OLFM3: variants seen among roughly 807,000 people sequenced by gnomAD.
OLFM3 encodes olfactomedin 3, also known as noelin-3.
Under a neutral mutation model 48.6 loss-of-function variants are expected in OLFM3, and 20 were observed. The observed-to-expected ratio is 0.41, with a 90% CI of 0.29 to 0.60. OLFM3 has a LOEUF of 0.60. Among genes scored for constraint, OLFM3 ranks in the 20% least tolerant of loss-of-function variants. The probability of loss-of-function intolerance (pLI) is 0.28; values close to 1 mark genes in which losing one functional copy is unlikely to be tolerated. For synonymous variants in OLFM3, 222 were observed against 198.1 expected (o/e 1.12, Z -1.01); for missense variants, 437 against 544.3 (o/e 0.80, Z 1.96).
intron 1 of OLFM3, among the ~76,000 whole-genome samples, chr1:101,921,418 C>T (rs560328284): frequency 1.3e-5 from 2 of 152,274 alleles, no homozygotes; most frequent in East Asian, 3.9e-4. Flanking sequence ...GTATTTTCAC[C>T]TCCTCCCAAC....
chr1:101,936,713 C>T (rs1034027897), intron 1 of OLFM3, among the ~76,000 whole-genome samples: 1 of 152,166 alleles, frequency 6.6e-6, no homozygotes, highest in Non-Finnish European at 1.5e-5. Flanking sequence ...AATAATACTG[C>T]AATGCTAGAG....
intron 1 of OLFM3, among the ~76,000 whole-genome samples, chr1:101,956,527 A>T (rs1226620178): frequency 6.6e-6 from 1 of 151,800 alleles, no homozygotes; most frequent in Non-Finnish European, 1.5e-5. Context: ...CAATATTCAA[A>T]TATCCTTTTT....
intron 1 of OLFM3, among the ~76,000 whole-genome samples, chr1:101,927,378 C>T (rs891859259): frequency 6.6e-6 from 1 of 151,842 alleles, no homozygotes; most frequent in African/African-American, 2.4e-5. Flanking sequence ...CATTTCTTGG[C>T]AATATGGAGG....
chr1:101,948,470 A>G (rs1660025373), intron 1 of OLFM3, among the ~76,000 whole-genome samples: 1 of 151,710 alleles, frequency 6.6e-6, no homozygotes, highest in South Asian at 2.1e-4. Flanking sequence ...AGAGAGAGAG[A>G]GAGTTTTCGC....
intron 3 of OLFM3, among the ~76,000 whole-genome samples, chr1:101,827,642 A>C (rs1654925558): frequency 6.6e-6 from 1 of 152,192 alleles, no homozygotes; most frequent in Non-Finnish European, 1.5e-5. Flanking sequence ...GAAATAAATA[A>C]ACTCCACAAA....
intron 1 of OLFM3, among the ~76,000 whole-genome samples, chr1:101,869,743 C>A (rs1331901288): frequency 6.6e-6 from 1 of 152,058 alleles, no homozygotes; most frequent in Non-Finnish European, 1.5e-5. Context: ...ATCATGGGGG[C>A]AGTTTTCCCC....
At chr1:101,926,139 G>T (rs554792339) in intron 1 of OLFM3, among the ~76,000 whole-genome samples, 1 of 152,156 alleles carries the variant, frequency 6.6e-6, no homozygotes, top group African/African-American at 2.4e-5. Context: ...GAAGCCTTAG[G>T]TTAATTTAAC....
intron 1 of OLFM3, among the ~76,000 whole-genome samples, chr1:101,872,465 C>T (rs1038576235): frequency 1.3e-5 from 2 of 152,018 alleles, no homozygotes; most frequent in Admixed American, 6.6e-5. Context: ...AGCTTTAATA[C>T]ATACATGTCT....
In OLFM3 at chr1:101,867,205, T is replaced by C. The variant is rs142236103; in HGVS notation, c.70-30180A>G. 3.9e-3 allele frequency among the ~76,000 whole-genome samples: 588 copies of C among 152,318 alleles called. 1 individual carries two copies. Among genetic ancestry groups the C allele is most frequent in the Non-Finnish European group, 6.7e-3 (459 of 68,008 alleles). On this transcript the variant is annotated intron_variant, in intron 1 of 5. Coordinates refer to ENST00000370103, the MANE Select transcript of OLFM3 (RefSeq NM_058170.4). ...AAACATGACCATTGTTGCACAGCAA[T>C]GTAACAGGAAAAGTTGAACCTCTGA...
intron 1 of OLFM3, among the ~76,000 whole-genome samples, chr1:101,849,370 G>A (rs1254048663): frequency 6.6e-6 from 1 of 152,216 alleles, no homozygotes; most frequent in Non-Finnish European, 1.5e-5. Flanking sequence ...CAACCCAGTA[G>A]TTGCAGAAGT....
intron 1 of OLFM3, among the ~76,000 whole-genome samples, chr1:101,941,189 C>A (rs1044417889): frequency 6.6e-6 from 1 of 152,120 alleles, no homozygotes; most frequent in Non-Finnish European, 1.5e-5. Context: ...GAGAACAGAG[C>A]AAATAAAGAT....
chr1:101,837,896 T>A (rs1391272787), intron 1 of OLFM3: 1 of 152,228 alleles, frequency 6.6e-6, no homozygotes. Context: ...TTGTGATTTC[T>A]ACCTGTTGTG....
intron 1 of OLFM3, among the ~76,000 whole-genome samples, chr1:101,843,608 C>G (rs928183651): frequency 3.3e-5 from 5 of 152,164 alleles, no homozygotes; most frequent in Admixed American, 6.5e-5. Flanking sequence ...GAGCTTATTC[C>G]CCTAATAAGG....
intron 2 of OLFM3, 21 bp from the exon 3 acceptor site, chr1:101,830,848 C>T: frequency 1.2e-6 from 2 of 1,606,652 alleles, no homozygotes; most frequent in Non-Finnish European, 1.7e-6. Context: ...AGAATATTGT[C>T]TGTACATTAT....
intron 1 of OLFM3, among the ~76,000 whole-genome samples, chr1:101,945,278 T>G (rs72991680): frequency 0.047 from 7,148 of 152,194 alleles, 558 homozygotes; most frequent in African/African-American, 0.16. Flanking sequence ...AAAAGGTGAA[T>G]GAATAAACGA....
At chr1:101,890,884 C>A (rs946745213) in intron 1 of OLFM3, among the ~76,000 whole-genome samples, 1 of 151,826 alleles carries the variant, frequency 6.6e-6, no homozygotes, top group African/African-American at 2.4e-5. Context: ...AAATTGAAGA[C>A]AACAGAATGA....
intron 5 of OLFM3, among the ~76,000 whole-genome samples, chr1:101,805,201 G>C (rs1653708969): frequency 6.8e-6 from 1 of 147,380 alleles, no homozygotes; most frequent in South Asian, 2.2e-4. Context: ...GCATATCACT[G>C]AGTGAACCAA....
chr1:101,888,040 G>A (rs1456297911), intron 1 of OLFM3, among the ~76,000 whole-genome samples: 1 of 152,044 alleles, frequency 6.6e-6, no homozygotes, highest in African/African-American at 2.4e-5. Context: ...AAAATTAAAT[G>A]TGAAGTAATT....
chr1:101,910,703 G>A (rs976173015), intron 1 of OLFM3, among the ~76,000 whole-genome samples: 3 of 152,112 alleles, frequency 2.0e-5, no homozygotes, highest in Admixed American at 6.5e-5. Context: ...AGATTATAAC[G>A]TCCTGAGGGG....
Sources: gnomAD v4.1 joint callset for allele counts (sites outside exome capture counted in the v4.1 genomes callset) on GRCh38, gnomAD v4.1.1 for gene constraint, MANE v1.5 for transcripts, NCBI Gene and HGNC (gene_info 2026-07-23, HGNC 2026-07-21) for gene names.